P2RY8: variants seen among roughly 807,000 people sequenced by gnomAD.
The protein encoded by P2RY8 is S-geranylgeranyl-glutathione receptor P2RY8.
A neutral mutation model predicts 10.0 loss-of-function variants in P2RY8; 6 were observed. The ratio of observed to expected loss-of-function variants is 0.60; its 90% CI spans 0.33 to 1.19. The LOEUF (loss-of-function observed/expected upper bound fraction) is 1.19. Among genes scored for constraint, P2RY8 ranks in the 50% most tolerant of loss-of-function variants. P2RY8 has a pLI of 0.04. For missense variants in P2RY8, 456 were observed against 542.0 expected (o/e 0.84, Z 1.58); for synonymous variants, 276 against 252.5 (o/e 1.09, Z -0.88).
chrX:1,523,573 CCTT>C (rs1254946193), intron 1 of P2RY8, among the ~76,000 whole-genome samples: 1 of 152,108 alleles, frequency 6.6e-6, no homozygotes, highest in Non-Finnish European at 1.5e-5. Flanking sequence ...GTACAGGTCT[CCTT>C]CTGAGCGTCA....
chrX:1,524,914 C>CATCT (rs1249278649), intron 1 of P2RY8, among the ~76,000 whole-genome samples: 2 of 151,836 alleles, frequency 1.3e-5, no homozygotes, highest in African/African-American at 4.8e-5. Context: ...TCCATCCATC[C>CATCT]ATCCATCCAC....
chrX:1,501,139 G>A (rs147498578), intron 1 of P2RY8, among the ~76,000 whole-genome samples: 4,139 of 152,260 alleles, frequency 0.027, 91 homozygotes, highest in Non-Finnish European at 0.043. Flanking sequence ...AGAGCTGGCC[G>A]GAGAGTCCCA....
chrX:1,495,038 T>C (rs2092102816), intron 1 of P2RY8, among the ~76,000 whole-genome samples: 2 of 152,068 alleles, frequency 1.3e-5, no homozygotes. Context: ...TATTTAAAAG[T>C]AGTCAGTACT....
At chrX:1,526,491 T>A (rs1314067028) in intron 1 of P2RY8, among the ~76,000 whole-genome samples, 1 of 152,076 alleles carries the variant, frequency 6.6e-6, no homozygotes, top group African/African-American at 2.4e-5. Flanking sequence ...CATTTATCCA[T>A]CCATCCATCC....
At position 1,471,308 on chromosome X, in the gene P2RY8, C is replaced by CTTTTTTT. The variant is rs1569536548; in HGVS notation, c.-24-4727_-24-4726insAAAAAAA. Among the ~76,000 whole-genome samples, 14 of 71,122 alleles carry CTTTTTTT rather than the reference C, an allele frequency of 2.0e-4. 3 individuals are homozygous for CTTTTTTT. Among genetic ancestry groups the CTTTTTTT allele is most frequent in the African/African-American group, 5.7e-4 (11 of 19,290 alleles). 46.7% of individuals were successfully genotyped at this position (71,122 alleles called of 152,430 possible). A position where few individuals can be genotyped will look rare whatever the true frequency, so the allele number is the denominator to read the frequency against. On this transcript the variant is annotated intron_variant, in intron 1 of 1. Coordinates refer to ENST00000381297, the MANE Select transcript of P2RY8 (RefSeq NM_178129.5). The stretch of plus-strand genomic sequence containing the variant: ...CAGACGTGAGCCACCGCGCCCAGCC[C>CTTTTTTT]ATTTTTTTTTTTTTTTTTTTTTTGT...
At chrX:1,502,474 C>T (rs1364532659) in intron 1 of P2RY8, among the ~76,000 whole-genome samples, 1 of 152,088 alleles carries the variant, frequency 6.6e-6, no homozygotes, top group East Asian at 1.9e-4. Flanking sequence ...ACCCTGTTTG[C>T]CTCCCGGCAA....
rs1434741404 is a variant in P2RY8, at chrX:1,519,469, G to A, written c.-25+17452C>T. ...ATCTCTGATCCCAATATTCTCTCTG[G>A]TTCCCAATAATCTCTCTGGTCCCCA... On this transcript the variant is annotated intron_variant, in intron 1 of 1. Coordinates refer to ENST00000381297, the MANE Select transcript of P2RY8 (RefSeq NM_178129.5). 2.0e-5 allele frequency among the ~76,000 whole-genome samples: 3 copies of A among 150,590 alleles called. No homozygotes were observed. The East Asian group carries it at 6.0e-4, about 30-fold the overall frequency.
rs752296166 is a variant in P2RY8 at position 1,520,332 on chromosome X, ATCT to A, written c.-25+16586_-25+16588del. On this transcript the variant is annotated intron_variant, in intron 1 of 1. Transcript: ENST00000381297. Reference sequence around the variant, plus strand: ...CTAATATTGTCTCTAGTCCTCAATCATCTTCTTAACCCCAATAATGTCCCTGGT... The same window carrying A: ...CTAATATTGTCTCTAGTCCTCAATCATCTTAACCCCAATAATGTCCCTGGT... Among the ~76,000 whole-genome samples the A allele has an allele frequency of 3.4e-4, 51 of 150,274 alleles. 2 individuals carry two copies. The East Asian group carries it at 9.4e-3, about 28-fold the overall frequency.
intron 1 of P2RY8, among the ~76,000 whole-genome samples, chrX:1,507,794 T>G (rs1378259165): frequency 6.6e-6 from 1 of 152,152 alleles, no homozygotes; most frequent in African/African-American, 2.4e-5. Flanking sequence ...AGTAAAGGTT[T>G]TTCTCACTTG....
At chrX:1,534,605 C>T (rs1490476551) in intron 1 of P2RY8, among the ~76,000 whole-genome samples, 3 of 151,868 alleles carry the variant, frequency 2.0e-5, no homozygotes, top group African/African-American at 7.3e-5. Flanking sequence ...AGAAGAGGGG[C>T]TGGGGGAGGG....
intron 1 of P2RY8, among the ~76,000 whole-genome samples, chrX:1,493,417 G>A (rs868571984): frequency 1.6e-4 from 4 of 24,920 alleles, no homozygotes; most frequent in African/African-American, 3.8e-4. Flanking sequence ...GGAGGAGGAA[G>A]GAGGAAGGAG....
At chrX:1,510,047 C>G (rs2092287704) in intron 1 of P2RY8, among the ~76,000 whole-genome samples, 1 of 152,062 alleles carries the variant, frequency 6.6e-6, no homozygotes, top group African/African-American at 2.4e-5. Context: ...TATCCTCTAT[C>G]TATCATCTAT....
chrX:1,498,708 C>G (rs9697807), intron 1 of P2RY8, among the ~76,000 whole-genome samples: 71,639 of 150,124 alleles, frequency 0.48, 18,295 homozygotes, highest in Non-Finnish European at 0.58. Flanking sequence ...AGTAAAGATG[C>G]GGTTTCACCA....
chrX:1,492,360 A>G (rs4480296), intron 1 of P2RY8, among the ~76,000 whole-genome samples: 151,294 of 152,220 alleles, frequency 0.99, 75,192 homozygotes, highest in Middle Eastern at 1. Context: ...CAGGAGGTGT[A>G]ACTTGTGGGT....
At chrX:1,514,830 T>TTTCCTTCCCTTTCCCTTTCCTTCCC (rs1556683907) in intron 1 of P2RY8, among the ~76,000 whole-genome samples, 1 of 11,152 alleles carries the variant, frequency 9.0e-5, no homozygotes, top group African/African-American at 2.9e-4. Context: ...TCCCTTTCCC[T>TTTCCTTCCCTTTCCCTTTCCTTCCC]TTCCTTCCCT....
At chrX:1,509,791 TCCATCC>T (rs1569538155) in intron 1 of P2RY8, among the ~76,000 whole-genome samples, 94 of 57,304 alleles carry the variant, frequency 1.6e-3, no homozygotes, top group African/African-American at 5.6e-3. Flanking sequence ...CATCTATGTA[TCCATCC>T]TATCTATCTA....
At chrX:1,505,651 G>A (rs1369112241) in intron 1 of P2RY8, among the ~76,000 whole-genome samples, 5 of 152,118 alleles carry the variant, frequency 3.3e-5, no homozygotes, top group African/African-American at 1.2e-4. Flanking sequence ...TTAGCTGGGT[G>A]TGGTGGCGGG....
At chrX:1,536,364 C>T (rs1217962014) in intron 1 of P2RY8, among the ~76,000 whole-genome samples, 1 of 151,968 alleles carries the variant, frequency 6.6e-6, no homozygotes, top group Non-Finnish European at 1.5e-5. Flanking sequence ...AGGGATCATG[C>T]CATTCTCCTG....
chrX:1,462,945 T>C lies in P2RY8; in HGVS notation c.*2534A>G. ...AAGAGGGGGTGTCGGCTGCTCTCCA[T>C]AGCCAAGTGGCTGCAAAAATCATCA... On this transcript the variant is annotated 3_prime_UTR_variant, in exon 2 of 2. Coordinates refer to ENST00000381297, the MANE Select transcript of P2RY8 (RefSeq NM_178129.5). The C allele has an allele frequency of 4.3e-6, 1 of 230,802 alleles. No homozygotes were observed. The highest frequency in any genetic ancestry group is 6.1e-5 in the East Asian group (1 of 16,376). 14.3% of individuals were successfully genotyped at this position (230,802 alleles called of 1,614,324 possible). A position where few individuals can be genotyped will look rare whatever the true frequency, so the allele number is the denominator to read the frequency against.
Sources: gnomAD v4.1 joint callset for allele counts (sites outside exome capture counted in the v4.1 genomes callset) on GRCh38, gnomAD v4.1.1 for gene constraint, MANE v1.5 for transcripts, NCBI Gene and HGNC (gene_info 2026-07-23, HGNC 2026-07-21) for gene names.